LYST: variants seen among roughly 807,000 people sequenced by gnomAD.
LYST encodes the protein lysosomal trafficking regulator.
A neutral mutation model predicts 413.6 loss-of-function variants in LYST; 192 were observed. The ratio of observed to expected loss-of-function variants is 0.46; its 90% confidence interval spans 0.41 to 0.52. LYST has a LOEUF of 0.52. LYST is among the 20% of genes least tolerant of loss of function. LYST has a pLI of 0.00. For missense variants in LYST, 3,815 were observed against 4,499.9 expected (o/e 0.85, Z 4.35); for synonymous variants, 1,525 against 1,567.3 (o/e 0.97, Z 0.64).
intron 1 of LYST, among the ~76,000 whole-genome samples, chr1:235,834,787 C>G (rs1198777936): frequency 2.0e-5 from 3 of 152,140 alleles, no homozygotes; most frequent in Non-Finnish European, 4.4e-5. Flanking sequence ...CAGTCTCACC[C>G]CCTCATTCCT....
intron 1 of LYST, among the ~76,000 whole-genome samples, chr1:235,855,097 A>G (rs1679012115): frequency 6.6e-6 from 1 of 152,174 alleles, no homozygotes; most frequent in Admixed American, 6.5e-5. Flanking sequence ...GGAAATTCCC[A>G]TTAATTCCCA....
chr1:235,794,612 T>G (rs1229141189), intron 10 of LYST, among the ~76,000 whole-genome samples: 1 of 152,212 alleles, frequency 6.6e-6, no homozygotes, highest in Non-Finnish European at 1.5e-5. Context: ...CTGAGATAAG[T>G]TTTAAAAGAC....
chr1:235,669,662 G>A (rs919516517), intron 50 of LYST, among the ~76,000 whole-genome samples: 2 of 152,202 alleles, frequency 1.3e-5, no homozygotes, highest in Admixed American at 6.5e-5. Flanking sequence ...AGCATAAAGT[G>A]GCCAATGGGA....
intron 1 of LYST, among the ~76,000 whole-genome samples, chr1:235,883,030 G>A (rs1681446133): frequency 6.6e-6 from 1 of 151,954 alleles, no homozygotes; most frequent in South Asian, 2.1e-4. Context: ...GCAGTCTGCA[G>A]GGGCCAGCTC....
intron 4 of LYST, among the ~76,000 whole-genome samples, chr1:235,811,210 T>C (rs1463669167): frequency 6.6e-6 from 1 of 152,158 alleles, no homozygotes; most frequent in African/African-American, 2.4e-5. Flanking sequence ...AACTATATAT[T>C]ATATTCTAAC....
chr1:235,698,326 G>A (rs1042544583), intron 45 of LYST, among the ~76,000 whole-genome samples: 5 of 152,072 alleles, frequency 3.3e-5, no homozygotes, highest in Non-Finnish European at 5.9e-5. Flanking sequence ...CATCACTGAC[G>A]TATAGACTAT....
In LYST at chr1:235,751,195, G is replaced by T. The variant is rs1203139720; in HGVS notation, c.7780+15C>A. 6.2e-7 allele frequency: 1 copy of T among 1,609,120 alleles called. No individual in the cohort carries two copies. On this transcript the variant is annotated intron_variant, in intron 28 of 52. Transcript: ENST00000389793. Reference sequence around the variant, plus strand: ...CCTCAATTTATGGTTATTAAAATATGATTTCAATACTCGCCAGCAATGCTT... The same window carrying T: ...CCTCAATTTATGGTTATTAAAATATTATTTCAATACTCGCCAGCAATGCTT...
chr1:235,868,341 T>G (rs116007355), upstream of LYST, among the ~76,000 whole-genome samples: 2,822 of 152,244 alleles, frequency 0.019, 81 homozygotes, highest in African/African-American at 0.064. Context: ...CTAAGTATTG[T>G]GCTAGGTGCA....
intron 21 of LYST, among the ~76,000 whole-genome samples, chr1:235,763,608 G>A (rs1036422441): frequency 1.7e-4 from 25 of 150,158 alleles, no homozygotes; most frequent in African/African-American, 5.8e-4. Flanking sequence ...GTGCCACCAC[G>A]CCCAGCAACT....
At chr1:235,734,878 TTA>T in intron 31 of LYST, 2 of 383,600 alleles carry the variant, frequency 5.2e-6, no homozygotes, top group East Asian at 4.2e-5. Flanking sequence ...TGTAATAATG[TTA>T]TGTTACATAG....
At chr1:235,841,841 T>C (rs1234577255) in intron 1 of LYST, among the ~76,000 whole-genome samples, 5 of 152,124 alleles carry the variant, frequency 3.3e-5, no homozygotes, top group African/African-American at 1.2e-4. Flanking sequence ...ATTCAAGTAA[T>C]AGGCAAAGTT....
chr1:235,761,507 T>C (rs1667580366), intron 22 of LYST, among the ~76,000 whole-genome samples: 1 of 152,176 alleles, frequency 6.6e-6, no homozygotes, highest in Admixed American at 6.5e-5. Flanking sequence ...ATACACTTAC[T>C]ATGGAAATAG....
intron 27 of LYST, 51 bp downstream of exon 27, chr1:235,751,954 G>T: frequency 8.0e-7 from 1 of 1,252,926 alleles, no homozygotes; most frequent in Non-Finnish European, 1.2e-6. Context: ...CAAATAACAG[G>T]TTTGTCTGTT....
At chr1:235,707,976 A>G (rs1455709819) in intron 44 of LYST, among the ~76,000 whole-genome samples, 1 of 152,166 alleles carries the variant, frequency 6.6e-6, no homozygotes, top group Non-Finnish European at 1.5e-5. Context: ...TCTTTTGATT[A>G]TCATGTTGGC....
intron 1 of LYST, among the ~76,000 whole-genome samples, chr1:235,878,011 C>G (rs1187902542): frequency 1.3e-5 from 2 of 152,224 alleles, no homozygotes; most frequent in East Asian, 3.9e-4. Context: ...ACAGTTGACT[C>G]AGATAAGATG....
chr1:235,875,777 G>A (rs569191048), intron 1 of LYST, among the ~76,000 whole-genome samples: 72 of 152,232 alleles, frequency 4.7e-4, no homozygotes, highest in Non-Finnish European at 8.5e-4. Flanking sequence ...CCAGGAGTTT[G>A]AGGCTTGCAG....
intron 48 of LYST, among the ~76,000 whole-genome samples, chr1:235,681,168 G>A (rs113955144): frequency 2.2e-4 from 34 of 152,242 alleles, no homozygotes; most frequent in African/African-American, 7.5e-4. Context: ...CCTGGAAGAC[G>A]GCATATGAAC....
intron 28 of LYST, among the ~76,000 whole-genome samples, chr1:235,749,253 G>A (rs1481037818): frequency 6.6e-6 from 1 of 152,128 alleles, no homozygotes; most frequent in Non-Finnish European, 1.5e-5. Flanking sequence ...ATACTTTTAA[G>A]TAATAGTGGA....
Position 235,800,934 on chromosome 1 carries a change from T to A in LYST, c.3876A>T (p.Val1292=). The A allele has an allele frequency of 6.2e-7, 1 of 1,613,830 alleles. No homozygotes were observed. Among genetic ancestry groups the A allele is most frequent in the Non-Finnish European group, 8.5e-7 (1 of 1,179,872 alleles). ...TAATAATTTTCAAAAAACTCTCAAA[T>A]ACATGGGCAAGCACATCAAGTTTGG... ...SKAKLDVLAH[V]FESFLKIIRQ... is the part of the protein sequence containing the mutation. Residue 1292 remains valine, a synonymous_variant, in exon 9 of 53, where the codon GTA becomes GTT. Transcript: ENST00000389793.
Sources: allele counts gnomAD v4.1 joint callset (sites outside exome capture counted in the v4.1 genomes callset), GRCh38; gene constraint gnomAD v4.1.1; transcripts MANE v1.5; gene names NCBI Gene and HGNC (gene_info 2026-07-23, HGNC 2026-07-21).